Variants in SPAG16 observed in about 807,000 individuals in gnomAD.
SPAG16 encodes sperm-associated antigen 16 protein.
SPAG16 carries 86 observed loss-of-function variants against 80.4 expected under a neutral mutation model. That is an observed-to-expected ratio of 1.07 (90% CI 0.90 to 1.28). The LOEUF (loss-of-function observed/expected upper bound fraction) is 1.28, where lower values mean the gene tolerates loss of function less well. SPAG16 is among the 50% of genes most tolerant of loss of function. The pLI, the probability that SPAG16 is intolerant of heterozygous loss-of-function variation, is 0.00. For missense variants in SPAG16, 870 were observed against 765.3 expected, an observed-to-expected ratio of 1.14 and a Z score of -1.61; for synonymous variants, 294 against 265.9, an observed-to-expected ratio of 1.11 and a Z score of -1.03.
rs184769292 is a variant in SPAG16 at position 214,020,364 on chromosome 2, C to T, written c.1527+6287C>T. ...ATGTATGTAATACTTTATATATACA[C>T]CTGAAATAAAAATAATGACAGAAAG... On this transcript the variant is annotated intron_variant, in intron 13 of 15. Transcript: ENST00000331683. 1.8e-4 allele frequency among the ~76,000 whole-genome samples: 28 copies of T among 152,022 alleles called. 1 individual carries two copies. The Middle Eastern group carries it at 0.01, about 55-fold the overall frequency.
chr2:214,044,747 G>A (rs1393741022), intron 13 of SPAG16, among the ~76,000 whole-genome samples: 1 of 152,190 alleles, frequency 6.6e-6, no homozygotes, highest in Non-Finnish European at 1.5e-5. Flanking sequence ...TTCAACAATT[G>A]TGAGGCATTG....
At chr2:213,397,439 T>C (rs540034761) in intron 9 of SPAG16, among the ~76,000 whole-genome samples, 9 of 152,314 alleles carry the variant, frequency 5.9e-5, no homozygotes, top group African/African-American at 1.7e-4. Context: ...GAATCTCATG[T>C]CATCAGATTT....
intron 13 of SPAG16, among the ~76,000 whole-genome samples, chr2:214,103,836 G>A (rs959725358): frequency 6.6e-6 from 1 of 152,016 alleles, no homozygotes; most frequent in South Asian, 2.1e-4. Context: ...TACCTTGTGG[G>A]TACAGAAGGA....
chr2:213,836,227 A>ATCAGATGT (rs572213599), intron 10 of SPAG16, among the ~76,000 whole-genome samples: 257 of 137,006 alleles, frequency 1.9e-3, no homozygotes, highest in African/African-American at 6.6e-3. Flanking sequence ...TTTTGTGGAT[A>ATCAGATGT]TCAGATGTTA....
chr2:213,686,080 G>A (rs1352425401), intron 10 of SPAG16, among the ~76,000 whole-genome samples: 1 of 152,094 alleles, frequency 6.6e-6, no homozygotes, highest in Non-Finnish European at 1.5e-5. Flanking sequence ...AATAATTAAT[G>A]TCTAAACCCA....
At chr2:213,548,906 A>G (rs2076699746) in intron 10 of SPAG16, among the ~76,000 whole-genome samples, 2 of 152,076 alleles carry the variant, frequency 1.3e-5, no homozygotes, top group Admixed American at 6.5e-5. Context: ...ATGATTGTAT[A>G]TTTTATATTT....
In SPAG16 at chr2:213,364,180, A is replaced by G. The variant is rs886064985; in HGVS notation, c.832+35A>G. On this transcript the variant is annotated intron_variant, in intron 8 of 15. Coordinates refer to ENST00000331683, the MANE Select transcript of SPAG16 (RefSeq NM_024532.5). ...AAATGTGATGAAGCTCTCATTTAAT[A>G]TAGTTTGGTGATTTCTCAACCTTAT... 4 of 1,319,972 alleles carry G rather than the reference A, an allele frequency of 3.0e-6. No homozygotes were observed. In the African/African-American group the frequency reaches 4.5e-5, roughly 15 times the overall value. The allele number at this position is 1,319,972 out of a possible 1,614,324, so 81.8% of individuals were successfully genotyped here. A position where few individuals can be genotyped will look rare whatever the true frequency, so the allele number is the denominator to read the frequency against.
chr2:213,987,611 G>A (rs1021180511), intron 12 of SPAG16, among the ~76,000 whole-genome samples: 11 of 151,486 alleles, frequency 7.3e-5, no homozygotes, highest in South Asian at 2.1e-4. Flanking sequence ...TCCTAAACTC[G>A]GACAATTGTA....
chr2:213,771,411 A>G (rs2069241497), intron 10 of SPAG16, among the ~76,000 whole-genome samples: 2 of 151,556 alleles, frequency 1.3e-5, no homozygotes, highest in Non-Finnish European at 2.9e-5. Context: ...TTGTCTGTTC[A>G]CTCTGATGAT....
chr2:213,648,898 T>C (rs552497633), intron 10 of SPAG16, among the ~76,000 whole-genome samples: 1 of 152,146 alleles, frequency 6.6e-6, no homozygotes, highest in East Asian at 1.9e-4. Context: ...GTGGCCACAA[T>C]GAAAGGATAT....
intron 10 of SPAG16, among the ~76,000 whole-genome samples, chr2:213,749,180 A>G (rs2067971113): frequency 6.6e-6 from 1 of 152,008 alleles, no homozygotes; most frequent in Admixed American, 6.6e-5. Context: ...AAACAAAACA[A>G]AAAACACTCA....
intron 15 of SPAG16, among the ~76,000 whole-genome samples, chr2:214,218,298 C>G (rs529741729): frequency 3.3e-5 from 5 of 152,128 alleles, no homozygotes; most frequent in African/African-American, 1.2e-4. Context: ...TCTGGGGGAC[C>G]CCTAGAAGTC....
chr2:214,373,004 T>C (rs1699916359), intron 15 of SPAG16, among the ~76,000 whole-genome samples: 1 of 152,168 alleles, frequency 6.6e-6, no homozygotes. Context: ...AGGAAAACCA[T>C]GATGAATATT....
At chr2:214,039,800 T>C (rs956149003) in intron 13 of SPAG16, among the ~76,000 whole-genome samples, 1 of 152,236 alleles carries the variant, frequency 6.6e-6, no homozygotes, top group Non-Finnish European at 1.5e-5. Context: ...TTAATACACA[T>C]GAAGCTGGCC....
intron 15 of SPAG16, among the ~76,000 whole-genome samples, chr2:214,174,102 G>T (rs1458336966): frequency 2.6e-5 from 4 of 151,936 alleles, no homozygotes; most frequent in South Asian, 4.1e-4. Flanking sequence ...ATCTATCTAT[G>T]ACAAACCCAC....
chr2:213,787,799 A>G (rs1234590914), intron 10 of SPAG16, among the ~76,000 whole-genome samples: 2 of 152,028 alleles, frequency 1.3e-5, no homozygotes, highest in Non-Finnish European at 2.9e-5. Flanking sequence ...TTGGATGGCA[A>G]TATTATACTA....
chr2:213,424,608 G>A (rs2069792726), intron 9 of SPAG16, among the ~76,000 whole-genome samples: 1 of 152,054 alleles, frequency 6.6e-6, no homozygotes, highest in Non-Finnish European at 1.5e-5. Context: ...CTTTGAACAT[G>A]TTAATTTTCT....
chr2:214,135,004 C>G (rs531324702), intron 14 of SPAG16, among the ~76,000 whole-genome samples: 1 of 152,314 alleles, frequency 6.6e-6, no homozygotes, highest in African/African-American at 2.4e-5. Flanking sequence ...TGTCCATAAT[C>G]TTCATCTATC....
chr2:213,648,094 A>G (rs1220631069), intron 10 of SPAG16, among the ~76,000 whole-genome samples: 1 of 152,192 alleles, frequency 6.6e-6, no homozygotes, highest in Non-Finnish European at 1.5e-5. Context: ...TTATCTATTC[A>G]TTAACCCCCT....
Sources: gnomAD v4.1 joint callset for allele counts (sites outside exome capture counted in the v4.1 genomes callset) on GRCh38, gnomAD v4.1.1 for gene constraint, MANE v1.5 for transcripts, NCBI Gene and HGNC (gene_info 2026-07-23, HGNC 2026-07-21) for gene names.